Variants in ACTN4 observed in about 807,000 individuals in gnomAD.
ACTN4 encodes the protein actinin alpha 4.
In ACTN4, 18 loss-of-function variants were observed where a neutral mutation model predicts 114.2. The observed-to-expected ratio is 0.16, with a 90% CI of 0.11 to 0.23. The LOEUF is 0.23. ACTN4 is among the 10% of genes least tolerant of loss of function. The pLI, the probability that ACTN4 is intolerant of heterozygous loss-of-function variation, is 1.00. For synonymous variants in ACTN4, 515 were observed against 506.3 expected, an observed-to-expected ratio of 1.02 and a Z score of -0.23; for missense variants, 722 against 1,262.9, an observed-to-expected ratio of 0.57 and a Z score of 6.49.
chr19:38,713,122 T>C (rs1296681186), intron 8 of ACTN4, among the ~76,000 whole-genome samples: 1 of 152,208 alleles, frequency 6.6e-6, no homozygotes, highest in Non-Finnish European at 1.5e-5. Flanking sequence ...CTGGGGTTCA[T>C]GTTTTATAAA....
chr19:38,718,148 G>A (rs1599847169), intron 11 of ACTN4, 74 bp downstream of exon 11: 1 of 1,554,414 alleles, frequency 6.4e-7, no homozygotes. Flanking sequence ...GCATGCATGG[G>A]TGTGCACACA....
At chr19:38,713,846 C>T (rs941099635) in intron 8 of ACTN4, among the ~76,000 whole-genome samples, 1 of 152,178 alleles carries the variant, frequency 6.6e-6, no homozygotes, top group Non-Finnish European at 1.5e-5. Context: ...TTCACTGCCC[C>T]CTAGCAGGAC....
intron 8 of ACTN4, chr19:38,711,405 G>A (rs569153979): frequency 3.6e-5 from 34 of 941,896 alleles, no homozygotes; most frequent in South Asian, 1.4e-4. Context: ...CTGCAGACCT[G>A]CCTTCACCAC....
Position 38,724,674 on chromosome 19 carries a change from A to G in ACTN4, c.2010+109A>G. 3.8e-6 allele frequency: 6 copies of G among 1,560,592 alleles called. No individual in the cohort carries two copies. The South Asian group carries it at 4.5e-5, about 12-fold the overall frequency. ...TGCAGACTGAGGCGCCTGGCAGAGC[A>G]GGTCCCAATTCTCACCACCCAGGGG... On this transcript the variant is annotated intron_variant, in intron 16 of 20. Coordinates refer to ENST00000252699, the MANE Select transcript of ACTN4 (RefSeq NM_004924.6). This position sits in a 1 kb window ranked among gnomAD's most constrained non-coding sequence, Gnocchi z 7.0.
chr19:38,669,440 A>G (rs547505622), intron 1 of ACTN4, among the ~76,000 whole-genome samples: 3 of 152,336 alleles, frequency 2.0e-5, no homozygotes, highest in South Asian at 4.1e-4. Flanking sequence ...GAATTTCTAC[A>G]TTGGAAAGGC....
intron 1 of ACTN4, among the ~76,000 whole-genome samples, chr19:38,661,118 G>A (rs747331674): frequency 1.3e-5 from 2 of 152,222 alleles, no homozygotes; most frequent in Non-Finnish European, 2.9e-5. Flanking sequence ...ATTGCTTAGA[G>A]CTGTGTTGTT....
intron 8 of ACTN4, among the ~76,000 whole-genome samples, chr19:38,713,069 C>T (rs1043335129): frequency 3.9e-5 from 6 of 152,140 alleles, no homozygotes; most frequent in African/African-American, 1.4e-4. Context: ...CCTGCTGCCT[C>T]GTTTCCCCAG....
chr19:38,667,425 G>C (rs1966995702), intron 1 of ACTN4, among the ~76,000 whole-genome samples: 1 of 151,998 alleles, frequency 6.6e-6, no homozygotes, highest in African/African-American at 2.4e-5. Flanking sequence ...GGGGTGGGGG[G>C]TGTCTCAGAA....
chr19:38,696,289 C>T (rs981514634), intron 1 of ACTN4, among the ~76,000 whole-genome samples: 1 of 152,008 alleles, frequency 6.6e-6, no homozygotes, highest in African/African-American at 2.4e-5. Context: ...CTCTGCTGAC[C>T]CCCAGCATAT....
chr19:38,703,937 A>C (rs1447321966), intron 3 of ACTN4, among the ~76,000 whole-genome samples: 1 of 152,160 alleles, frequency 6.6e-6, no homozygotes, highest in Non-Finnish European at 1.5e-5. Context: ...AGCGTATCAA[A>C]GCAAGAAAGA....
chr19:38,649,966 C>G (rs1205858472), intron 1 of ACTN4, among the ~76,000 whole-genome samples: 1 of 151,974 alleles, frequency 6.6e-6, no homozygotes, highest in Non-Finnish European at 1.5e-5. Context: ...GGACAGGTTG[C>G]GATAGTTGGC....
chr19:38,731,007 G>T lies in ACTN4; in HGVS notation c.*1575G>T. On this transcript the variant is annotated 3_prime_UTR_variant, in exon 21 of 21. Coordinates refer to ENST00000252699, the MANE Select transcript of ACTN4 (RefSeq NM_004924.6). ...AGATGACCCCCTCACCCCCATCCAG[G>T]TGCTGGCTGCAGTGGCCTGTGCAGA... 1 of 1,552,654 alleles carries T rather than the reference G, an allele frequency of 6.4e-7. No individual in the cohort carries two copies. The highest frequency in any genetic ancestry group is 8.7e-7 in the Non-Finnish European group (1 of 1,148,226).
At chr19:38,714,381 C>T in intron 8 of ACTN4, 88 bp from the exon 9 acceptor site, 1 of 1,225,530 alleles carries the variant, frequency 8.2e-7, no homozygotes, top group Non-Finnish European at 1.2e-6. Context: ...GTTCCGTGGG[C>T]CATGGACCAG....
intron 1 of ACTN4, among the ~76,000 whole-genome samples, chr19:38,676,034 A>G (rs988806186): frequency 6.6e-6 from 1 of 152,232 alleles, no homozygotes; most frequent in Non-Finnish European, 1.5e-5. Flanking sequence ...AATGGGGCCA[A>G]TAATCTGACT....
At chr19:38,690,928 G>A (rs1484093099) in intron 1 of ACTN4, among the ~76,000 whole-genome samples, 1 of 152,228 alleles carries the variant, frequency 6.6e-6, no homozygotes, top group Admixed American at 6.5e-5. Flanking sequence ...AAAGCTGGAT[G>A]CGAGATGCCG....
chr19:38,705,862 G>A (rs999925623), intron 4 of ACTN4, among the ~76,000 whole-genome samples, 182 bp from the exon 5 acceptor site: 21 of 152,218 alleles, frequency 1.4e-4, no homozygotes, highest in South Asian at 1.0e-3. Flanking sequence ...GGCAGCATCC[G>A]TCTGCATCCG....
intron 1 of ACTN4, among the ~76,000 whole-genome samples, chr19:38,660,447 G>A (rs1976850204): frequency 6.6e-6 from 1 of 151,676 alleles, no homozygotes; most frequent in Non-Finnish European, 1.5e-5. Context: ...CCAGGCTGGA[G>A]TGCAATGGCG....
At position 38,731,093 on chromosome 19, in the gene ACTN4, G is replaced by A. The variant is rs376997506; in HGVS notation, c.*1661G>A. 2.0e-4 allele frequency: 320 copies of A among 1,602,240 alleles called. 2 individuals are homozygous for A. The Middle Eastern group carries it at 4.4e-3, about 22-fold the overall frequency. On this transcript the variant is annotated 3_prime_UTR_variant, in exon 21 of 21. Transcript: ENST00000252699. ...CCTTCCCCCCATGCCCCACCATGCC[G>A]GGGTGGTACTCACAGAAGATGCAGG...
intron 8 of ACTN4, among the ~76,000 whole-genome samples, chr19:38,713,537 A>T (rs934900978): frequency 3.3e-5 from 5 of 152,170 alleles, no homozygotes; most frequent in Admixed American, 6.5e-5. Context: ...GTCCCGCAGC[A>T]TGGCGCGGGG....
Sources: allele counts gnomAD v4.1 joint callset (sites outside exome capture counted in the v4.1 genomes callset), GRCh38; gene constraint gnomAD v4.1.1; non-coding constraint Gnocchi (gnomAD v3.1); transcripts MANE v1.5; gene names NCBI Gene and HGNC (gene_info 2026-07-23, HGNC 2026-07-21).